PXK: variants seen among roughly 807,000 people sequenced by gnomAD.
The protein encoded by PXK is PX domain containing serine/threonine kinase like.
In PXK, 35 loss-of-function variants were observed where a neutral mutation model predicts 84.7. The ratio of observed to expected loss-of-function variants is 0.41; its 90% confidence interval spans 0.32 to 0.55. PXK has a LOEUF of 0.55. Ranked by LOEUF, PXK falls within the 20% of genes least tolerant of loss-of-function variation. The probability of loss-of-function intolerance (pLI) is 0.21; values close to 1 mark genes in which losing one functional copy is unlikely to be tolerated. For missense variants in PXK, 634 were observed against 699.7 expected, an observed-to-expected ratio of 0.91 and a Z score of 1.06; for synonymous variants, 253 against 260.8, an observed-to-expected ratio of 0.97 and a Z score of 0.29.
chr3:58,375,702 C>T (rs2108635940), intron 3 of PXK, among the ~76,000 whole-genome samples: 1 of 152,310 alleles, frequency 6.6e-6, no homozygotes, highest in East Asian at 1.9e-4. Context: ...AGCATGTCTG[C>T]ATAGTCCCCA....
rs1320719745 is a variant in PXK at position 58,390,998 on chromosome 3, CCAA to C, written c.467-147_467-145del. On this transcript the variant is annotated intron_variant, in intron 5 of 17. Coordinates refer to ENST00000356151, the MANE Select transcript of PXK (RefSeq NM_017771.5). The surrounding 1 kb of genome is among the most constrained non-coding windows in gnomAD (Gnocchi z 4.2). ...CTTTTTAAGTATAGCCTTTACTATG[CCAA>C]CGTTATCAAATGGTTCTTTTACTTG... The C allele has an allele frequency of 1.6e-6, 1 of 612,194 alleles. No homozygotes were observed. Among genetic ancestry groups the C allele is most frequent in the Non-Finnish European group, 2.9e-6 (1 of 348,162 alleles). 37.9% of individuals were successfully genotyped at this position (612,194 alleles called of 1,614,324 possible).
chr3:58,336,067 A>AT (rs2097594102), intron 1 of PXK, among the ~76,000 whole-genome samples: 19 of 59,516 alleles, frequency 3.2e-4, no homozygotes, highest in Non-Finnish European at 4.7e-4. Context: ...ATATATATAT[A>AT]TATATTTTTT....
At chr3:58,345,475 A>G (rs2097797733) in intron 1 of PXK, among the ~76,000 whole-genome samples, 1 of 152,354 alleles carries the variant, frequency 6.6e-6, no homozygotes, top group East Asian at 1.9e-4. Context: ...GCATCTTCAG[A>G]CAACTTGTAG....
chr3:58,389,002 C>T (rs1250093770), intron 4 of PXK, among the ~76,000 whole-genome samples: 1 of 151,930 alleles, frequency 6.6e-6, no homozygotes, highest in African/African-American at 2.4e-5. Flanking sequence ...TTACTCACTG[C>T]AATGAGGGGA....
In PXK at chr3:58,425,038, G is replaced by A; in HGVS notation, c.*78G>A. On this transcript the variant is annotated 3_prime_UTR_variant, in exon 18 of 18. Transcript: ENST00000356151. Reference sequence around the variant, plus strand: ...CTACCCCCCAAACTACCCTCTTCCTGGGAAAGTAATTGCTGAGCCAGTACA... The same window carrying A: ...CTACCCCCCAAACTACCCTCTTCCTAGGAAAGTAATTGCTGAGCCAGTACA... 6.4e-7 allele frequency: 1 copy of A among 1,550,836 alleles called. No homozygotes were observed. The highest frequency in any genetic ancestry group is 8.7e-7 in the Non-Finnish European group (1 of 1,146,342).
Position 58,409,592 on chromosome 3 carries a change from A to G in PXK, c.1369A>G (p.Lys457Glu), listed in dbSNP as rs2059890387. ...CCACCATGGATCTGAGGAGGAAAGA[A>G]AAAAAAGAAAGATTTTAGCTCGAAA... is the stretch of plus-strand genomic sequence containing the variant. ...QSHHGSEEER[K>E]KRKILARKKS... Residue 457 changes from lysine to glutamate, a missense_variant, in exon 15 of 18, where the codon AAA becomes GAA. By Grantham distance (56) the Lys-to-Glu change is moderately conservative. This residue lies in a region of PXK where 273 missense variants were observed against 283.6 expected (regional missense o/e 0.96). Transcript: ENST00000356151. This position sits in a 1 kb window ranked among gnomAD's most constrained non-coding sequence, Gnocchi z 4.2. 1 of 1,612,732 alleles carries G rather than the reference A, an allele frequency of 6.2e-7. No homozygotes were observed. The highest frequency in any genetic ancestry group is 1.3e-5 in the African/African-American group (1 of 74,760).
At position 58,412,047 on chromosome 3, in the gene PXK, G is replaced by T. The variant is rs1338922125; in HGVS notation, c.1466-854G>T. ...CACACCAGCTCTGGTGGCTTCTCAG[G>T]CGTGTGATGGCAGCCCTCTGGGTGT... On this transcript the variant is annotated intron_variant, in intron 16 of 17. Transcript: ENST00000356151. This position sits in a 1 kb window ranked among gnomAD's most constrained non-coding sequence, Gnocchi z 6.2. Among the ~76,000 whole-genome samples the T allele has an allele frequency of 6.6e-6, 1 of 152,134 alleles. No homozygotes were observed. Among genetic ancestry groups the T allele is most frequent in the Non-Finnish European group, 1.5e-5 (1 of 68,030 alleles).
At chr3:58,420,591 C>T (rs2061680185) in intron 17 of PXK, 1 of 1,535,876 alleles carries the variant, frequency 6.5e-7, no homozygotes, top group Non-Finnish European at 8.7e-7. Flanking sequence ...ATGCTGATTT[C>T]TCAGACTTTA....
At chr3:58,350,914 G>T in intron 1 of PXK, among the ~76,000 whole-genome samples, 1 of 152,162 alleles carries the variant, frequency 6.6e-6, no homozygotes. Flanking sequence ...TATCCTAAGT[G>T]ATGGTGACCA....
chr3:58,395,591 A>C, intron 8 of PXK, 67 bp from the exon 9 acceptor site: 1 of 1,240,084 alleles, frequency 8.1e-7, no homozygotes, highest in Non-Finnish European at 1.2e-6. Context: ...CTGCCTGGTC[A>C]GGGAGTCTGT....
intron 8 of PXK, 103 bp from the exon 9 acceptor site, chr3:58,395,555 C>G: frequency 1.2e-6 from 1 of 835,512 alleles, no homozygotes; most frequent in South Asian, 1.7e-5. Flanking sequence ...CTGGCCATCT[C>G]TGGCGCCCCT....
Position 58,424,836 on chromosome 3 carries a change from A to G in PXK, c.1613A>G (p.Gln538Arg). The G allele has an allele frequency of 6.2e-7, 1 of 1,614,186 alleles. No individual in the cohort carries two copies. The highest frequency in any genetic ancestry group is 8.5e-7 in the Non-Finnish European group (1 of 1,180,036). ...LPPASTEAPA[Q>R]LSSQAVNGMS... ...CCTGCGAGCACCGAGGCACCTGCCC[A>G]GCTCTCGTCTCAGGCTGTGAATGGC... Residue 538 changes from glutamine to arginine, a missense_variant, in exon 18 of 18, where the codon CAG becomes CGG. Physicochemically the swap from Gln to Arg is conservative, Grantham distance 43 (BLOSUM62 1). Around this residue, in one of 3 missense-constraint regions of PXK, gnomAD observed 273 missense variants for 283.6 expected, o/e 0.96. Transcript: ENST00000356151.
intron 12 of PXK, 108 bp from the exon 13 acceptor site, chr3:58,403,754 G>T (rs1285419373): frequency 7.9e-6 from 4 of 508,516 alleles, no homozygotes; most frequent in Non-Finnish European, 1.3e-5. Context: ...AGGATGTGGT[G>T]CAGGGAAGGG....
chr3:58,364,721 A>G lies in PXK; in HGVS notation c.103-1153A>G, dbSNP rs1318653056. Reference sequence around the variant, plus strand: ...AGTGAGACTCGGTCTCAAAAAAAAAAAATCATTATGAAGATCAAATTATGT... The same window carrying G: ...AGTGAGACTCGGTCTCAAAAAAAAAGAATCATTATGAAGATCAAATTATGT... On this transcript the variant is annotated intron_variant, in intron 1 of 17. Coordinates refer to ENST00000356151, the MANE Select transcript of PXK (RefSeq NM_017771.5). This position sits in a 1 kb window ranked among gnomAD's most constrained non-coding sequence, Gnocchi z 4.3. 6.6e-6 allele frequency among the ~76,000 whole-genome samples: 1 copy of G among 152,122 alleles called. No individual in the cohort carries two copies. Among genetic ancestry groups the G allele is most frequent in the East Asian group, 1.9e-4 (1 of 5,194 alleles).
At chr3:58,377,466 A>C (rs759080709) in intron 3 of PXK, among the ~76,000 whole-genome samples, 4 of 152,182 alleles carry the variant, frequency 2.6e-5, no homozygotes, top group Non-Finnish European at 5.9e-5. Flanking sequence ...TTGCTCATTA[A>C]ATTAAAATGC....
Position 58,395,039 on chromosome 3 carries a change from A to T in PXK, c.657A>T (p.Glu219Asp), listed in dbSNP as rs1172733165. The T allele has an allele frequency of 6.2e-7, 1 of 1,613,784 alleles. No individual in the cohort carries two copies. The highest frequency in any genetic ancestry group is 1.7e-5 in the Admixed American group (1 of 60,012). ...IYRVTFATAN[E>D]SSALLIRMFN... ...GGGTTACCTTTGCCACAGCTAATGA[A>T]TCCTCAGCGTTGCTAATTAGGATGT... Residue 219 changes from glutamate to aspartate, a missense_variant, in exon 8 of 18, where the codon GAA (glutamate) becomes GAT (aspartate). By Grantham distance (45) the Glu-to-Asp change is conservative (BLOSUM62 2). Around this residue, in one of 3 missense-constraint regions of PXK, gnomAD observed 353 missense variants for 385.2 expected, o/e 0.92. Transcript: ENST00000356151.
chr3:58,366,970 T>C (rs1279926067), intron 2 of PXK, among the ~76,000 whole-genome samples: 1 of 152,214 alleles, frequency 6.6e-6, no homozygotes, highest in Non-Finnish European at 1.5e-5. Flanking sequence ...CTTTTTGATG[T>C]ATATTTGGCA....
chr3:58,375,556 G>A (rs953246984), intron 3 of PXK, among the ~76,000 whole-genome samples: 5 of 152,284 alleles, frequency 3.3e-5, no homozygotes, highest in South Asian at 2.1e-4. Context: ...TAATGTTGAT[G>A]AGAAAAAAAT....
intron 17 of PXK, chr3:58,423,484 T>C: frequency 6.5e-7 from 1 of 1,533,284 alleles, no homozygotes; most frequent in Admixed American, 2.0e-5. Flanking sequence ...GAGTAAAAGA[T>C]GTAAAGAAAG....
Sources: allele counts gnomAD v4.1 joint callset (sites outside exome capture counted in the v4.1 genomes callset), GRCh38; gene constraint gnomAD v4.1.1; regional missense constraint gnomAD v4.1.1; non-coding constraint Gnocchi (gnomAD v3.1); transcripts MANE v1.5; gene names NCBI Gene and HGNC (gene_info 2026-07-23, HGNC 2026-07-21).